The following TMEM232 variants were observed in gnomAD, a reference collection of about 807,000 sequenced individuals.
TMEM232 encodes transmembrane protein 232.
Under a neutral mutation model 78.8 loss-of-function variants are expected in TMEM232, and 80 were observed. The observed-to-expected ratio is 1.01, with a 90% CI of 0.85 to 1.22. The LOEUF is 1.22. Ranked by LOEUF, TMEM232 falls within the 50% of genes most tolerant of loss-of-function variation. The pLI, the probability that TMEM232 is intolerant of heterozygous loss-of-function variation, is 0.00. For missense variants in TMEM232, 881 were observed against 742.2 expected, an observed-to-expected ratio of 1.19 and a Z score of -2.17; for synonymous variants, 297 against 254.3, an observed-to-expected ratio of 1.17 and a Z score of -1.60.
At chr5:110,656,373 A>G (rs184407188) in intron 2 of TMEM232, among the ~76,000 whole-genome samples, 218 of 152,320 alleles carry the variant, frequency 1.4e-3, no homozygotes, top group Non-Finnish European at 2.1e-3. Flanking sequence ...TCTGCTCTCA[A>G]GTTCCACAAC....
intron 12 of TMEM232, among the ~76,000 whole-genome samples, chr5:110,482,280 A>G (rs1225765442): frequency 6.6e-6 from 1 of 152,212 alleles, no homozygotes; most frequent in East Asian, 1.9e-4. Context: ...TTTTTGAAAC[A>G]TTAAAAAAAA....
chr5:110,714,936 A>C (rs147180194), intron 1 of TMEM232, among the ~76,000 whole-genome samples: 2 of 152,290 alleles, frequency 1.3e-5, no homozygotes, highest in East Asian at 3.9e-4. Flanking sequence ...TACTCAAGAA[A>C]AAAGTTTGAT....
chr5:110,645,710 A>C (rs2150036000), intron 2 of TMEM232, among the ~76,000 whole-genome samples: 1 of 151,794 alleles, frequency 6.6e-6, no homozygotes, highest in Non-Finnish European at 1.5e-5. Flanking sequence ...CAGTACTGCA[A>C]GTCTTAGCCA....
At chr5:110,577,568 A>C (rs1581272674) in intron 10 of TMEM232, among the ~76,000 whole-genome samples, 1 of 152,254 alleles carries the variant, frequency 6.6e-6, no homozygotes, top group South Asian at 2.1e-4. Flanking sequence ...AGACACATGC[A>C]TGTGTATATT....
chr5:110,693,619 G>A (rs1794404073), intron 1 of TMEM232, among the ~76,000 whole-genome samples: 1 of 152,192 alleles, frequency 6.6e-6, no homozygotes, highest in Non-Finnish European at 1.5e-5. Context: ...AGGACCTGAT[G>A]GAGCTGAAAA....
At chr5:110,536,687 GCTATGCAAAGA>G (rs1420222340) in intron 11 of TMEM232, among the ~76,000 whole-genome samples, 1 of 152,100 alleles carries the variant, frequency 6.6e-6, no homozygotes. Flanking sequence ...AACCCACCTA[GCTATGCAAAGA>G]ATGTTATAAA....
intron 12 of TMEM232, among the ~76,000 whole-genome samples, chr5:110,448,746 A>C (rs1308933354): frequency 6.6e-6 from 1 of 152,006 alleles, no homozygotes; most frequent in African/African-American, 2.4e-5. Flanking sequence ...TACATATTTT[A>C]TTATTGACTT....
rs974399623 is a variant in TMEM232, at chr5:110,627,940, A to G, written c.502-60T>C. Reference sequence around the variant, plus strand: ...TTGCATCAATAAATGTTTAAAAACCATAAGAAAAATCAACCATTATATTAT... The same window carrying G: ...TTGCATCAATAAATGTTTAAAAACCGTAAGAAAAATCAACCATTATATTAT... On this transcript the variant is annotated intron_variant, in intron 5 of 13. Transcript: ENST00000455884. 7.9e-6 allele frequency: 9 copies of G among 1,135,398 alleles called. No individual in the cohort carries two copies. In the South Asian group the frequency reaches 1.1e-4, roughly 13 times the overall value. 70.3% of individuals were successfully genotyped at this position (1,135,398 alleles called of 1,614,324 possible).
At chr5:110,669,156 C>T (rs1235587581) in intron 1 of TMEM232, among the ~76,000 whole-genome samples, 1 of 151,774 alleles carries the variant, frequency 6.6e-6, no homozygotes. Flanking sequence ...GATAGAGACA[C>T]AAAAAACACT....
At chr5:110,593,464 C>T (rs1412813142) in intron 10 of TMEM232, among the ~76,000 whole-genome samples, 1 of 152,102 alleles carries the variant, frequency 6.6e-6, no homozygotes, top group African/African-American at 2.4e-5. Context: ...TTTTCTTTAT[C>T]CATTCATCTG....
At chr5:110,477,647 C>A (rs1763394352) in intron 12 of TMEM232, among the ~76,000 whole-genome samples, 1 of 151,808 alleles carries the variant, frequency 6.6e-6, no homozygotes, top group African/African-American at 2.4e-5. Context: ...ATTCCCCACA[C>A]CTCCAAGTTC....
chr5:110,524,411 GAAAGAAAAGAAAAGAAAA>G (rs1770202115), intron 12 of TMEM232, among the ~76,000 whole-genome samples: 30 of 61,462 alleles, frequency 4.9e-4, no homozygotes, highest in Admixed American at 8.3e-4. Flanking sequence ...AAGAAAGAAA[GAAAGAAAAGAAAAGAAAA>G]GAAAAGAAAA....
At chr5:110,713,152 A>C (rs1410466574) in intron 1 of TMEM232, among the ~76,000 whole-genome samples, 1 of 152,102 alleles carries the variant, frequency 6.6e-6, no homozygotes, top group Non-Finnish European at 1.5e-5. Flanking sequence ...CAGGCACAGA[A>C]AGACAAACAT....
chr5:110,421,095 A>T (rs1304063179), intron 13 of TMEM232, among the ~76,000 whole-genome samples: 1 of 152,088 alleles, frequency 6.6e-6, no homozygotes, highest in Non-Finnish European at 1.5e-5. Flanking sequence ...TAAAATGAAG[A>T]ACGAGATGAA....
intron 12 of TMEM232, among the ~76,000 whole-genome samples, chr5:110,509,004 A>ATG (rs1451713157): frequency 0.037 from 5,357 of 145,184 alleles, 364 homozygotes; most frequent in African/African-American, 0.13. Flanking sequence ...ATATGTATAT[A>ATG]TATATGTATA....
chr5:110,674,022 A>G (rs772011779), intron 1 of TMEM232, among the ~76,000 whole-genome samples: 4 of 151,802 alleles, frequency 2.6e-5, no homozygotes, highest in Non-Finnish European at 5.9e-5. Flanking sequence ...TGAGGAAAAA[A>G]AAAATTCGTT....
chr5:110,473,059 CAA>C (rs111965771), intron 12 of TMEM232, among the ~76,000 whole-genome samples: 22 of 117,154 alleles, frequency 1.9e-4, no homozygotes, highest in Admixed American at 2.6e-4. Context: ...GCAACAAATG[CAA>C]AAAAAAAAAA....
At chr5:110,627,958 T>C (rs1409601599) in intron 5 of TMEM232, 78 bp from the exon 6 acceptor site, 2 of 971,370 alleles carry the variant, frequency 2.1e-6, no homozygotes, top group Non-Finnish European at 3.0e-6. Flanking sequence ...AATCAACCAT[T>C]ATATTATTAC....
chr5:110,616,028 C>T (rs1782884589), intron 8 of TMEM232, among the ~76,000 whole-genome samples: 1 of 151,850 alleles, frequency 6.6e-6, no homozygotes, highest in African/African-American at 2.4e-5. Flanking sequence ...AATGCAATTC[C>T]TATCAAAATT....
Sources: gnomAD v4.1 joint callset for allele counts (sites outside exome capture counted in the v4.1 genomes callset) on GRCh38, gnomAD v4.1.1 for gene constraint, MANE v1.5 for transcripts, NCBI Gene and HGNC (gene_info 2026-07-23, HGNC 2026-07-21) for gene names.